TTC23: variants seen among roughly 807,000 people sequenced by gnomAD.
The protein encoded by TTC23 is tetratricopeptide repeat domain 23, also known as tetratricopeptide repeat protein 23.
Under a neutral mutation model 55.1 loss-of-function variants are expected in TTC23, and 58 were observed. That is an observed-to-expected ratio of 1.05 (90% CI 0.85 to 1.31). The LOEUF is 1.31. Among genes scored for constraint, TTC23 ranks in the 50% most tolerant of loss-of-function variants. The pLI, the probability that TTC23 is intolerant of heterozygous loss-of-function variation, is 0.00. For missense variants in TTC23, 516 were observed against 534.4 expected, an observed-to-expected ratio of 0.97 and a Z score of 0.34; for synonymous variants, 203 against 199.9, an observed-to-expected ratio of 1.02 and a Z score of -0.13.
intron 9 of TTC23, among the ~76,000 whole-genome samples, chr15:99,196,428 A>G (rs556545490): frequency 2.0e-5 from 3 of 152,336 alleles, no homozygotes; most frequent in African/African-American, 7.2e-5. Flanking sequence ...AGAAACTACA[A>G]AAGGTTTTTG....
chr15:99,228,820 T>C, intron 4 of TTC23, 88 bp from the exon 5 acceptor site: 1 of 1,095,948 alleles, frequency 9.1e-7, no homozygotes, highest in Non-Finnish European at 1.3e-6. Flanking sequence ...TACCCATAAT[T>C]TCTTTGAAAT....
At chr15:99,222,046 T>C (rs879548243) in intron 5 of TTC23, among the ~76,000 whole-genome samples, 182 bp from the exon 6 acceptor site, 1 of 152,198 alleles carries the variant, frequency 6.6e-6, no homozygotes, top group South Asian at 2.1e-4. Context: ...GGTGGTAGCA[T>C]GTACATCTGG....
At chr15:99,154,633 A>C (rs1248657080) in intron 12 of TTC23, among the ~76,000 whole-genome samples, 2 of 152,208 alleles carry the variant, frequency 1.3e-5, no homozygotes, top group Admixed American at 6.5e-5. Flanking sequence ...TTTCTTTATA[A>C]ATTACCTAAT....
intron 7 of TTC23, 25 bp from the exon 8 acceptor site, chr15:99,218,738 C>T: frequency 6.2e-7 from 1 of 1,613,412 alleles, no homozygotes; most frequent in Non-Finnish European, 8.5e-7. Context: ...GGAAATTTTC[C>T]ACTTGGTTCT....
At chr15:99,195,102 A>T (rs1413260560) in intron 9 of TTC23, among the ~76,000 whole-genome samples, 1 of 152,218 alleles carries the variant, frequency 6.6e-6, no homozygotes, top group Non-Finnish European at 1.5e-5. Context: ...AAAATTAAAA[A>T]TTTCTGCTCT....
intron 10 of TTC23, among the ~76,000 whole-genome samples, chr15:99,162,910 A>T (rs990221543): frequency 2.0e-5 from 3 of 152,000 alleles, no homozygotes; most frequent in African/African-American, 7.3e-5. Context: ...CGAAACAAAA[A>T]ATAAACAATA....
intron 10 of TTC23, 113 bp downstream of exon 10, chr15:99,174,937 G>T (rs900012907): frequency 9.1e-6 from 7 of 767,308 alleles, no homozygotes; most frequent in Non-Finnish European, 2.1e-6. Flanking sequence ...AACAAGGAAG[G>T]CTCTGTGGCG....
At position 99,161,867 on chromosome 15, in the gene TTC23, T is replaced by C; in HGVS notation, c.866A>G (p.Asp289Gly). The change falls in exon 11 of 14, where the codon GAT becomes GGT. Residue 289 changes from aspartate to glycine, a missense_variant and splice_region_variant. Transcript: ENST00000394132. The stretch of plus-strand genomic sequence containing the variant: ...CTCTTGAAAATACTGCTCAGCTACA[T>C]CTGAAGAAAAGCATTTATCATAACT... ...AVASGRHEHH[D>G]VAEQYFQESM... 6.3e-6 allele frequency: 10 copies of C among 1,593,330 alleles called. No homozygotes were observed. The highest frequency in any genetic ancestry group is 7.7e-6 in the Non-Finnish European group (9 of 1,174,384).
intron 8 of TTC23, among the ~76,000 whole-genome samples, chr15:99,203,605 T>C (rs989474108): frequency 6.6e-6 from 1 of 152,098 alleles, no homozygotes. Context: ...CCAATAGTTT[T>C]CCCCTCTTCA....
intron 9 of TTC23, among the ~76,000 whole-genome samples, chr15:99,180,111 T>C (rs747864323): frequency 2.6e-5 from 4 of 152,276 alleles, no homozygotes; most frequent in Non-Finnish European, 4.4e-5. Flanking sequence ...TGGGGCTCCA[T>C]AGTTTGACCA....
rs768266565 is a variant in TTC23 at position 99,156,213 on chromosome 15, G to A, written c.1078C>T (p.Arg360Trp). 3.2e-5 allele frequency: 51 copies of A among 1,614,078 alleles called. No individual in the cohort carries two copies. In the South Asian group the frequency reaches 3.4e-4, roughly 11 times the overall value. Residue 360 changes from arginine to tryptophan, a missense_variant, in exon 12 of 14, where the codon CGG (arginine) becomes TGG (tryptophan). By Grantham distance (101) the Arg-to-Trp change is moderately radical. Transcript: ENST00000394132. Reference protein sequence around the residue: ...DFSPEVAETYRLLGGADLAQG... With the variant: ...DFSPEVAETYWLLGGADLAQG... ...GCCAGGTCTGCTCCTCCCAGGAGCC[G>A]GTATGTCTCTGCCACCTCGGGACTG... is the stretch of plus-strand genomic sequence containing the variant.
intron 9 of TTC23, among the ~76,000 whole-genome samples, chr15:99,191,168 C>T (rs1400629909): frequency 2.0e-5 from 3 of 152,146 alleles, no homozygotes; most frequent in African/African-American, 7.2e-5. Flanking sequence ...ATTCATAATC[C>T]AAATTGGCAT....
intron 12 of TTC23, among the ~76,000 whole-genome samples, chr15:99,151,652 T>C (rs781849598): frequency 2.0e-5 from 3 of 152,216 alleles, no homozygotes; most frequent in Non-Finnish European, 4.4e-5. Flanking sequence ...TAGTTTCAAC[T>C]GTATTCTGTC....
intron 3 of TTC23, among the ~76,000 whole-genome samples, chr15:99,237,722 G>A (rs1422451285): frequency 2.0e-5 from 3 of 152,096 alleles, no homozygotes; most frequent in African/African-American, 2.4e-5. Flanking sequence ...GGGGCATGAG[G>A]AAACTTTTTG....
intron 13 of TTC23, among the ~76,000 whole-genome samples, chr15:99,138,604 C>T (rs906172201): frequency 2.6e-5 from 4 of 152,342 alleles, no homozygotes; most frequent in Admixed American, 1.3e-4. Context: ...TGAGTCACCT[C>T]GCCTGGCCCC....
intron 12 of TTC23, among the ~76,000 whole-genome samples, chr15:99,149,087 T>G (rs1596255939): frequency 6.6e-6 from 1 of 152,112 alleles, no homozygotes; most frequent in African/African-American, 2.4e-5. Flanking sequence ...CGTCGCCGGG[T>G]GGTGCTTAGC....
intron 8 of TTC23, among the ~76,000 whole-genome samples, chr15:99,216,998 G>A (rs1242406896): frequency 2.0e-5 from 3 of 152,242 alleles, no homozygotes; most frequent in Middle Eastern, 3.4e-3. Flanking sequence ...ATTGTTAGGA[G>A]GATGGACAAA....
chr15:99,171,559 CTTTTT>C (rs35676358), intron 10 of TTC23, among the ~76,000 whole-genome samples: 1 of 92,300 alleles, frequency 1.1e-5, no homozygotes, highest in Admixed American at 1.4e-4. Context: ...GTCTCTCCGT[CTTTTT>C]TTTTTTTTTT....
At position 99,154,357 on chromosome 15, in the gene TTC23, T is replaced by C. The variant is rs539069067; in HGVS notation, c.1143+1791A>G. Reference sequence around the variant, plus strand: ...AATGTGCCTCCCAAAAAGCATGTGTTGGAAACTTAATCCAAAATGCAACAC... The same window carrying C: ...AATGTGCCTCCCAAAAAGCATGTGTCGGAAACTTAATCCAAAATGCAACAC... On this transcript the variant is annotated intron_variant, in intron 12 of 13. Transcript: ENST00000394132. Among the ~76,000 whole-genome samples, 5 of 152,340 alleles carry C rather than the reference T, an allele frequency of 3.3e-5. No individual in the cohort carries two copies. In the South Asian group the frequency reaches 1.0e-3, roughly 32 times the overall value.
Sources: gnomAD v4.1 joint callset for allele counts (sites outside exome capture counted in the v4.1 genomes callset) on GRCh38, gnomAD v4.1.1 for gene constraint, MANE v1.5 for transcripts, NCBI Gene and HGNC (gene_info 2026-07-23, HGNC 2026-07-21) for gene names.